Variants in ALOX5AP observed in about 807,000 individuals in gnomAD.
ALOX5AP encodes arachidonate 5-lipoxygenase-activating protein.
In ALOX5AP, 9 loss-of-function variants were observed where a neutral mutation model predicts 18.5. That is an observed-to-expected ratio of 0.49 (90% CI 0.29 to 0.85). The LOEUF (loss-of-function observed/expected upper bound fraction) is 0.85, where lower values mean the gene tolerates loss of function less well. Among genes scored for constraint, ALOX5AP ranks in the 40% least tolerant of loss-of-function variants. ALOX5AP has a pLI of 0.08. For missense variants in ALOX5AP, 172 were observed against 202.5 expected (o/e 0.85, Z 0.91); for synonymous variants, 81 against 78.6 (o/e 1.03, Z -0.16).
exon 1 of ALOX5AP, chr13:30,713,637 A>G: frequency 1.1e-6 from 1 of 927,884 alleles, no homozygotes; most frequent in Non-Finnish European, 1.7e-6. Context: ...TTTGAAGAGG[A>G]GGACCCTGTC....
At chr13:30,735,802 T>C in intron 1 of ALOX5AP, 127 bp downstream of exon 1, 1 of 1,124,334 alleles carries the variant, frequency 8.9e-7, no homozygotes, top group African/African-American at 1.6e-5. Context: ...TTATCTTTAT[T>C]TTCTTCTTTT....
intron 1 of ALOX5AP, among the ~76,000 whole-genome samples, chr13:30,723,477 AG>A (rs1951610595): frequency 6.6e-6 from 1 of 152,238 alleles, no homozygotes; most frequent in Non-Finnish European, 1.5e-5. Context: ...CAAAGCAAAC[AG>A]AGGAATAAGG....
intron 1 of ALOX5AP, among the ~76,000 whole-genome samples, 189 bp from the exon 2 acceptor site, chr13:30,743,871 A>G (rs1391895129): frequency 6.6e-6 from 1 of 152,088 alleles, no homozygotes; most frequent in African/African-American, 2.4e-5. Context: ...TGTGTTTCTA[A>G]CACCAAACAC....
intron 1 of ALOX5AP, chr13:30,742,351 A>C (rs1364552504): frequency 6.6e-6 from 1 of 152,160 alleles, no homozygotes; most frequent in Non-Finnish European, 1.5e-5. Flanking sequence ...GAGCTGATGA[A>C]ATCCTGCAGG....
upstream of ALOX5AP, chr13:30,735,373 C>G: frequency 1.2e-6 from 1 of 862,634 alleles, no homozygotes. Context: ...GCTCCTCTGC[C>G]AAGCCCTGCT....
intron 3 of ALOX5AP, among the ~76,000 whole-genome samples, chr13:30,753,427 C>T (rs1951868120): frequency 6.6e-6 from 1 of 152,188 alleles, no homozygotes; most frequent in Non-Finnish European, 1.5e-5. Flanking sequence ...TGAATGCGGA[C>T]TTGCTGTAGC....
intron 2 of ALOX5AP, among the ~76,000 whole-genome samples, chr13:30,747,521 G>GC (rs1273911978): frequency 6.6e-6 from 1 of 152,192 alleles, no homozygotes; most frequent in Non-Finnish European, 1.5e-5. Context: ...CAGCCAATGA[G>GC]CATGGCTAGA....
chr13:30,751,119 A>T (rs1951848336), intron 2 of ALOX5AP, among the ~76,000 whole-genome samples: 2 of 152,154 alleles, frequency 1.3e-5, no homozygotes, highest in Non-Finnish European at 2.9e-5. Context: ...GCTGGAGTGC[A>T]GTGGTGTGAT....
chr13:30,748,071 A>G (rs1397964643), intron 2 of ALOX5AP, among the ~76,000 whole-genome samples: 1 of 152,028 alleles, frequency 6.6e-6, no homozygotes, highest in African/African-American at 2.4e-5. Flanking sequence ...AGCATGCACC[A>G]CCATGTCCGG....
In ALOX5AP at chr13:30,743,630, T is replaced by A. The variant is rs377726065; in HGVS notation, c.71-430T>A. On this transcript the variant is annotated intron_variant, in intron 1 of 4. Coordinates refer to ENST00000380490, the MANE Select transcript of ALOX5AP (RefSeq NM_001629.4). ...GAGCGGCCCCTCTCCCTCCGTCTGC[T>A]TGGCTAATTTCTACTTGTTCTTCAG... Among the ~76,000 whole-genome samples the A allele has an allele frequency of 2.6e-5, 4 of 151,962 alleles. No homozygotes were observed. In the East Asian group the frequency reaches 5.8e-4, roughly 22 times the overall value.
At chr13:30,721,163 G>A (rs1951590504) in intron 1 of ALOX5AP, among the ~76,000 whole-genome samples, 1 of 152,118 alleles carries the variant, frequency 6.6e-6, no homozygotes, top group Non-Finnish European at 1.5e-5. Context: ...TCTTTATCAG[G>A]AGGCCATAGG....
intron 1 of ALOX5AP, among the ~76,000 whole-genome samples, chr13:30,719,833 G>A (rs1265436773): frequency 6.6e-6 from 1 of 151,818 alleles, no homozygotes; most frequent in African/African-American, 2.4e-5. Context: ...TAGTTCAAAT[G>A]CTCTGTTCCC....
At chr13:30,748,653 G>A (rs1243716244) in intron 2 of ALOX5AP, among the ~76,000 whole-genome samples, 2 of 152,174 alleles carry the variant, frequency 1.3e-5, no homozygotes, top group African/African-American at 2.4e-5. Context: ...TTTCCACTGG[G>A]GGTTAAGAAG....
chr13:30,744,945 G>C (rs1951797792), intron 2 of ALOX5AP, among the ~76,000 whole-genome samples: 1 of 152,196 alleles, frequency 6.6e-6, no homozygotes, highest in South Asian at 2.1e-4. Context: ...TTCCATCCCA[G>C]GAGCAACTTT....
chr13:30,731,510 C>T (rs1203200984), upstream of ALOX5AP, among the ~76,000 whole-genome samples: 1 of 152,038 alleles, frequency 6.6e-6, no homozygotes, highest in Non-Finnish European at 1.5e-5. Context: ...GTAGCTGGGA[C>T]TACAGGTCTG....
At chr13:30,762,626 T>G (rs1312278754) in intron 4 of ALOX5AP, among the ~76,000 whole-genome samples, 2 of 152,054 alleles carry the variant, frequency 1.3e-5, no homozygotes, top group Non-Finnish European at 2.9e-5. Context: ...AATTATGAGT[T>G]ATATTATCAG....
chr13:30,723,914 A>C (rs973797078), intron 1 of ALOX5AP, among the ~76,000 whole-genome samples: 2 of 152,110 alleles, frequency 1.3e-5, no homozygotes, highest in African/African-American at 4.8e-5. Context: ...ATTTTTTTGA[A>C]ATGCTCTTTT....
intron 1 of ALOX5AP, among the ~76,000 whole-genome samples, chr13:30,725,408 C>A (rs572143576): frequency 4.6e-5 from 7 of 152,360 alleles, no homozygotes; most frequent in African/African-American, 1.7e-4. Context: ...CTTTCCCCAG[C>A]CACTGTTGCC....
At chr13:30,722,293 C>G (rs1183787079) in intron 1 of ALOX5AP, among the ~76,000 whole-genome samples, 1 of 152,194 alleles carries the variant, frequency 6.6e-6, no homozygotes, top group East Asian at 1.9e-4. Context: ...ATGGGTAGAA[C>G]AGGAAGAAAG....
Sources: allele counts gnomAD v4.1 joint callset (sites outside exome capture counted in the v4.1 genomes callset), GRCh38; gene constraint gnomAD v4.1.1; transcripts MANE v1.5; gene names NCBI Gene and HGNC (gene_info 2026-07-23, HGNC 2026-07-21).